ARFGAP3: variants seen among roughly 807,000 people sequenced by gnomAD.
ARFGAP3 encodes the protein ADP-ribosylation factor GTPase-activating protein 3.
Under a neutral mutation model 75.0 loss-of-function variants are expected in ARFGAP3, and 72 were observed. The ratio of observed to expected loss-of-function variants is 0.96; its 90% CI spans 0.79 to 1.17. The LOEUF is 1.17. ARFGAP3 is among the 50% of genes most tolerant of loss of function. The probability of loss-of-function intolerance (pLI) is 0.00; values close to 1 mark genes in which losing one functional copy is unlikely to be tolerated. For missense variants in ARFGAP3, 620 were observed against 626.6 expected (o/e 0.99, Z 0.11); for synonymous variants, 221 against 217.9 (o/e 1.01, Z -0.13).
rs769002969 is a variant in ARFGAP3, at chr22:42,817,720, C to T, written c.941+9G>A. On this transcript the variant is annotated intron_variant, in intron 10 of 15. Coordinates refer to ENST00000263245, the MANE Select transcript of ARFGAP3 (RefSeq NM_014570.5). The stretch of plus-strand genomic sequence containing the variant: ...TAAATTCTAACTCCAAGAAAGCAGT[C>T]TCACATACCTTCTGCAATTTCCAAA... The T allele has an allele frequency of 1.2e-6, 2 of 1,603,038 alleles. No homozygotes were observed. The highest frequency in any genetic ancestry group is 1.7e-6 in the Non-Finnish European group (2 of 1,171,428).
intron 1 of ARFGAP3, among the ~76,000 whole-genome samples, chr22:42,851,657 T>A (rs1318822997): frequency 1.3e-5 from 2 of 152,212 alleles, no homozygotes; most frequent in African/African-American, 4.8e-5. Context: ...ATCCTCCTGC[T>A]ATACCAGGAG....
rs765898232 is a variant in ARFGAP3, at chr22:42,817,283, T to A, written c.942-19A>T. On this transcript the variant is annotated intron_variant, in intron 10 of 15. Coordinates refer to ENST00000263245, the MANE Select transcript of ARFGAP3 (RefSeq NM_014570.5). Reference sequence around the variant, plus strand: ...AATAACACTTGAGAAAACAGAAAAATATATATATCAGTAAGTTCACAAACT... The same window carrying A: ...AATAACACTTGAGAAAACAGAAAAAAATATATATCAGTAAGTTCACAAACT... 1.5e-5 allele frequency: 23 copies of A among 1,580,268 alleles called. No individual in the cohort carries two copies. The highest frequency in any genetic ancestry group is 3.5e-5 in the South Asian group (3 of 85,256).
chr22:42,845,194 G>A (rs1035663771), intron 2 of ARFGAP3, among the ~76,000 whole-genome samples: 2 of 152,364 alleles, frequency 1.3e-5, no homozygotes. Context: ...TCTGGGCAGA[G>A]TAGGTTACCA....
chr22:42,801,927 T>C (rs1042952480), intron 14 of ARFGAP3, among the ~76,000 whole-genome samples: 1 of 151,966 alleles, frequency 6.6e-6, no homozygotes, highest in Non-Finnish European at 1.5e-5. Flanking sequence ...AAGAGCATTC[T>C]GGGCTGGGGG....
chr22:42,827,196 T>C (rs5758961), intron 6 of ARFGAP3, 197 bp from the exon 7 acceptor site: 54,823 of 534,152 alleles, frequency 0.1, 5,406 homozygotes, highest in East Asian at 0.55. Context: ...AGTTTATTTT[T>C]AATCCAATGG....
At chr22:42,808,597 C>T (rs1925229242) in intron 13 of ARFGAP3, among the ~76,000 whole-genome samples, 170 bp downstream of exon 13, 1 of 152,170 alleles carries the variant, frequency 6.6e-6, no homozygotes, top group African/African-American at 2.4e-5. Flanking sequence ...GTAGCAAGCA[C>T]ATGATCAGTT....
At chr22:42,840,128 G>T (rs1181611094) in intron 3 of ARFGAP3, among the ~76,000 whole-genome samples, 1 of 151,818 alleles carries the variant, frequency 6.6e-6, no homozygotes, top group African/African-American at 2.4e-5. Flanking sequence ...ACGGAGTTTT[G>T]TCATGTTGTC....
chr22:42,827,948 C>CT (rs1193634656), intron 6 of ARFGAP3, among the ~76,000 whole-genome samples: 2 of 152,052 alleles, frequency 1.3e-5, no homozygotes, highest in African/African-American at 4.8e-5. Flanking sequence ...CCCAACCATA[C>CT]TTTGTTATTT....
At chr22:42,831,749 G>C in intron 5 of ARFGAP3, 113 bp from the exon 6 acceptor site, 1 of 1,524,126 alleles carries the variant, frequency 6.6e-7, no homozygotes, top group Non-Finnish European at 8.8e-7. Context: ...CTGAGTCCCT[G>C]TTAATGGAAA....
chr22:42,850,138 G>A (rs539508406), intron 1 of ARFGAP3, among the ~76,000 whole-genome samples: 1 of 152,230 alleles, frequency 6.6e-6, no homozygotes, highest in South Asian at 2.1e-4. Context: ...GCAGAGTCAC[G>A]CGTCGGAAGT....
Position 42,829,597 on chromosome 22 carries a change from A to G in ARFGAP3, c.565+1952T>C, listed in dbSNP as rs1346968648. 2.0e-5 allele frequency among the ~76,000 whole-genome samples: 3 copies of G among 152,246 alleles called. No homozygotes were observed. In the East Asian group the frequency reaches 5.8e-4, roughly 29 times the overall value. ...ATCATCCACAAAACAACCACATCAG[A>G]GTTCTTTGCATAGTAAGGAAACAAG... On this transcript the variant is annotated intron_variant, in intron 6 of 15. Transcript: ENST00000263245.
At chr22:42,849,517 A>G (rs988717297) in intron 1 of ARFGAP3, among the ~76,000 whole-genome samples, 2 of 144,770 alleles carry the variant, frequency 1.4e-5, no homozygotes, top group South Asian at 4.4e-4. Context: ...GCTCTCACCT[A>G]GGCTGGAGTG....
In ARFGAP3 at chr22:42,800,055, C is replaced by A. The variant is rs145213232; in HGVS notation, c.1412-895G>T. 3.1e-3 allele frequency among the ~76,000 whole-genome samples: 471 copies of A among 152,330 alleles called. 3 individuals are homozygous for A. Among genetic ancestry groups the A allele is most frequent in the African/African-American group, 0.011 (458 of 41,556 alleles). ...TGGGTGAAGTTCATCAGGGTTATCA[C>A]ACATCAAGGAGGTCTGACCACACTC... is the stretch of plus-strand genomic sequence containing the variant. On this transcript the variant is annotated intron_variant, in intron 14 of 15. Coordinates refer to ENST00000263245, the MANE Select transcript of ARFGAP3 (RefSeq NM_014570.5).
intron 14 of ARFGAP3, among the ~76,000 whole-genome samples, chr22:42,801,030 C>T (rs1361772257): frequency 6.6e-6 from 1 of 152,230 alleles, no homozygotes; most frequent in Admixed American, 6.5e-5. Flanking sequence ...CTGATAACAT[C>T]ACTAAAGTGT....
intron 14 of ARFGAP3, among the ~76,000 whole-genome samples, chr22:42,803,018 C>G (rs1453247770): frequency 6.6e-6 from 1 of 151,352 alleles, no homozygotes; most frequent in Non-Finnish European, 1.5e-5. Flanking sequence ...TTGTTTGAGA[C>G]AGGGACTCCC....
intron 5 of ARFGAP3, among the ~76,000 whole-genome samples, chr22:42,833,657 G>A (rs1926393273): frequency 6.6e-6 from 1 of 152,222 alleles, no homozygotes; most frequent in Non-Finnish European, 1.5e-5. Context: ...TCGGGAGGCT[G>A]AGGCAAGAGA....
intron 15 of ARFGAP3, among the ~76,000 whole-genome samples, chr22:42,798,408 T>C (rs1924700789): frequency 2.0e-5 from 3 of 152,230 alleles, no homozygotes; most frequent in Non-Finnish European, 2.9e-5. Context: ...AATACAATCC[T>C]TCTTCAATAG....
intron 3 of ARFGAP3, among the ~76,000 whole-genome samples, chr22:42,838,275 C>CATATATATAT (rs55855980): frequency 2.2e-4 from 30 of 137,894 alleles, no homozygotes; most frequent in Middle Eastern, 4.1e-3. Context: ...TACACACACA[C>CATATATATAT]ATATATATAT....
Position 42,817,734 on chromosome 22 carries a change from G to C in ARFGAP3, c.936C>G (p.Cys312Trp). Reference protein sequence around the residue: ...SDRLGMGFGNCRSVISHSVTS... With the variant: ...SDRLGMGFGNWRSVISHSVTS... Reference sequence around the variant, plus strand: ...AAGAAAGCAGTCTCACATACCTTCTGCAATTTCCAAATCCCATGCCGAGTC... The same window carrying C: ...AAGAAAGCAGTCTCACATACCTTCTCCAATTTCCAAATCCCATGCCGAGTC... Residue 312 changes from cysteine to tryptophan, a missense_variant, in exon 10 of 16, where the codon TGC becomes TGG. Physicochemically the swap from Cys to Trp is radical, Grantham distance 215. Coordinates refer to ENST00000263245, the MANE Select transcript of ARFGAP3 (RefSeq NM_014570.5). 6.2e-7 allele frequency: 1 copy of C among 1,610,872 alleles called. No individual in the cohort carries two copies. The highest frequency in any genetic ancestry group is 8.5e-7 in the Non-Finnish European group (1 of 1,178,170).
Sources: allele counts gnomAD v4.1 joint callset (sites outside exome capture counted in the v4.1 genomes callset), GRCh38; gene constraint gnomAD v4.1.1; transcripts MANE v1.5; gene names NCBI Gene and HGNC (gene_info 2026-07-23, HGNC 2026-07-21).